The following METTL3 variants were observed in gnomAD, a reference collection of about 807,000 sequenced individuals.
METTL3 encodes methyltransferase 3, N6-adenosine-methyltransferase complex catalytic subunit, also known as N(6)-adenosine-methyltransferase catalytic subunit METTL3.
A neutral mutation model predicts 64.3 loss-of-function variants in METTL3; 42 were observed. That is an observed-to-expected ratio of 0.65 (90% CI 0.51 to 0.84). METTL3 has a LOEUF of 0.84. Ranked by LOEUF, METTL3 falls within the 40% of genes least tolerant of loss-of-function variation. METTL3 has a pLI of 0.00. For synonymous variants in METTL3, 256 were observed against 263.6 expected, an observed-to-expected ratio of 0.97 and a Z score of 0.28; for missense variants, 435 against 722.3, an observed-to-expected ratio of 0.60 and a Z score of 4.56.
chr14:21,498,573 G>C (rs753044290), intron 10 of METTL3: 2 of 594,080 alleles, frequency 3.4e-6, no homozygotes, highest in East Asian at 2.8e-5. Context: ...GACTGGATCT[G>C]TATTATCTGA....
chr14:21,506,273 C>T (rs1263796), intron 1 of METTL3, among the ~76,000 whole-genome samples: 73,777 of 151,664 alleles, frequency 0.49, 18,153 homozygotes, highest in East Asian at 0.64. Flanking sequence ...GGGGTCTCGG[C>T]CGGGCGTGGT....
chr14:21,498,283 A>G lies in METTL3; in HGVS notation c.1718T>C (p.Ile573Thr). ...CTATAAATTCTTAGGTTTAGAGATGATACCATCTGGGTACCTTTGCTTGAA... is the reference window on the plus strand; with the variant it reads ...CTATAAATTCTTAGGTTTAGAGATGGTACCATCTGGGTACCTTTGCTTGAA... ...ARFKQRYPDGIISKPKNL is the reference protein window; with the variant it reads ...ARFKQRYPDGTISKPKNL The change falls in exon 11 of 11, where the codon ATC (isoleucine) becomes ACC (threonine). Residue 573 changes from isoleucine (I) to threonine (T), a missense_variant. By Grantham distance (89) the Ile-to-Thr change is moderately conservative. This residue lies in a region of METTL3 where 20 missense variants were observed against 26.2 expected (regional missense o/e 0.76). Transcript: ENST00000298717. 2 of 1,609,084 alleles carry G rather than the reference A, an allele frequency of 1.2e-6. No individual in the cohort carries two copies. The highest frequency in any genetic ancestry group is 1.7e-6 in the Non-Finnish European group (2 of 1,175,364).
At position 21,498,207 on chromosome 14, in the gene METTL3, T is replaced by G. The variant is rs1317023801; in HGVS notation, c.*51A>C. The G allele has an allele frequency of 9.6e-7, 1 of 1,041,548 alleles. No individual in the cohort carries two copies. Among genetic ancestry groups the G allele is most frequent in the Non-Finnish European group, 1.5e-6 (1 of 661,576 alleles). The allele number at this position is 1,041,548 out of a possible 1,614,324, so 64.5% of individuals were successfully genotyped here. A position where few individuals can be genotyped will look rare whatever the true frequency, so the allele number is the denominator to read the frequency against. On this transcript the variant is annotated 3_prime_UTR_variant, in exon 11 of 11. Transcript: ENST00000298717. Reference sequence around the variant, plus strand: ...ATTGTACAAATATCACTCTTCAGGTTTAGCTTACAGAGCCATGGCTATGGA... The same window carrying G: ...ATTGTACAAATATCACTCTTCAGGTGTAGCTTACAGAGCCATGGCTATGGA...
intron 3 of METTL3, 130 bp downstream of exon 3, chr14:21,503,043 T>C (rs139331788): frequency 1.9e-5 from 19 of 992,200 alleles, no homozygotes; most frequent in Middle Eastern, 2.2e-4. Flanking sequence ...CCCCTGGGAG[T>C]TGGGCAGTAG....
chr14:21,511,014 C>A (rs1891822022), intron 1 of METTL3, 110 bp downstream of exon 1: 4 of 1,293,942 alleles, frequency 3.1e-6, no homozygotes, highest in Non-Finnish European at 4.2e-6. Context: ...ATGTACGAGG[C>A]TTTATAGAAA....
intron 1 of METTL3, among the ~76,000 whole-genome samples, chr14:21,508,950 A>C (rs1263799): frequency 0.47 from 71,990 of 152,094 alleles, 17,379 homozygotes; most frequent in East Asian, 0.59. Flanking sequence ...ACAACAAACA[A>C]CACCACAGAT....
chr14:21,499,955 C>A (rs1005455643), intron 6 of METTL3, among the ~76,000 whole-genome samples, 153 bp from the exon 7 acceptor site: 1 of 152,044 alleles, frequency 6.6e-6, no homozygotes, highest in Non-Finnish European at 1.5e-5. Context: ...GATCTAAGAA[C>A]GAAAAGATAA....
intron 10 of METTL3, chr14:21,498,816 G>A: frequency 1.8e-6 from 1 of 553,504 alleles, no homozygotes; most frequent in Non-Finnish European, 3.2e-6. Flanking sequence ...ACCCTAGGGA[G>A]CAGTGCTTTT....
intron 5 of METTL3, 47 bp downstream of exon 5, chr14:21,500,866 A>ATCC (rs778861902): frequency 1.3e-5 from 21 of 1,570,956 alleles, no homozygotes; most frequent in Non-Finnish European, 1.7e-5. Context: ...CTGCCCTATC[A>ATCC]AACATAAGTC....
At chr14:21,509,044 A>T (rs1024827805) in intron 1 of METTL3, among the ~76,000 whole-genome samples, 3 of 152,154 alleles carry the variant, frequency 2.0e-5, no homozygotes, top group African/African-American at 7.2e-5. Flanking sequence ...GGCTTTTTAA[A>T]AGTTAATTTT....
At chr14:21,501,537 T>C in intron 4 of METTL3, 191 bp downstream of exon 4, 1 of 705,162 alleles carries the variant, frequency 1.4e-6, no homozygotes, top group Non-Finnish European at 2.3e-6. Context: ...AAATCTCAGT[T>C]ATTTGGGAGT....
chr14:21,503,802 G>A lies in METTL3; in HGVS notation c.180C>T (p.Gly60=), dbSNP rs750753600. The change falls in exon 2 of 11, where the codon GGC becomes GGT. Residue 60 remains glycine, a synonymous_variant. Coordinates refer to ENST00000298717, the MANE Select transcript of METTL3 (RefSeq NM_019852.5). The part of the protein sequence containing the change: ...SPVPTAPTSG[G]PKPSTASAVP... ...CTGCTGAAGCTGTGCTGGGCTTAGG[G>A]CCACCAGAGGTGGGTGCAGTAGGCA... 1.2e-6 allele frequency: 2 copies of A among 1,614,234 alleles called. No individual in the cohort carries two copies. The highest frequency in any genetic ancestry group is 1.1e-5 in the South Asian group (1 of 91,088).
At chr14:21,510,339 AGAGATGCAGTTGAAGATACT>A (rs568400928) in intron 1 of METTL3, among the ~76,000 whole-genome samples, 131 of 152,348 alleles carry the variant, frequency 8.6e-4, no homozygotes, top group African/African-American at 2.9e-3. Flanking sequence ...GACAAGATTT[AGAGATGCAGTTGAAGATACT>A]GACAAATATT....
intron 1 of METTL3, chr14:21,507,722 T>G (rs1891733211): frequency 6.6e-6 from 1 of 152,160 alleles, no homozygotes; most frequent in Non-Finnish European, 1.5e-5. Flanking sequence ...TTGAGTTATA[T>G]CTTACATGAC....
Position 21,510,872 on chromosome 14 carries a change from C to T in METTL3, c.100+252G>A, listed in dbSNP as rs891350167. The T allele has an allele frequency of 4.2e-4, 203 of 477,988 alleles. 2 individuals carry two copies. The East Asian group carries it at 7.5e-3, about 18-fold the overall frequency. 29.6% of individuals were successfully genotyped at this position (477,988 alleles called of 1,614,324 possible). A position where few individuals can be genotyped will look rare whatever the true frequency, so the allele number is the denominator to read the frequency against. On this transcript the variant is annotated intron_variant, in intron 1 of 10. Transcript: ENST00000298717. Reference sequence around the variant, plus strand: ...GCAGTCTGAAGAGGAGTGGGCAAGGCGGACGAGGGTGGGGCTCAAGCGTCC... The same window carrying T: ...GCAGTCTGAAGAGGAGTGGGCAAGGTGGACGAGGGTGGGGCTCAAGCGTCC...
In METTL3 at chr14:21,499,745, C is replaced by T. The variant is rs751487558; in HGVS notation, c.1343+19G>A. ...TAACAGTATTACCCTCAAAAGAAAG[C>T]AACACAACCACTACTTACCCCCAGA... On this transcript the variant is annotated intron_variant, in intron 7 of 10. Coordinates refer to ENST00000298717, the MANE Select transcript of METTL3 (RefSeq NM_019852.5). 1.2e-6 allele frequency: 2 copies of T among 1,611,112 alleles called. No individual in the cohort carries two copies. Among genetic ancestry groups the T allele is most frequent in the Non-Finnish European group, 1.7e-6 (2 of 1,177,412 alleles).
intron 3 of METTL3, chr14:21,502,609 G>A (rs973188853): frequency 2.6e-5 from 4 of 154,552 alleles, no homozygotes; most frequent in Non-Finnish European, 4.3e-5. Context: ...TTATCTTCAT[G>A]TTACAGATGA....
chr14:21,500,995 T>C lies in METTL3; in HGVS notation c.1034A>G (p.Lys345Arg). Residue 345 changes from lysine (K) to arginine (R), a missense_variant, in exon 5 of 11, where the codon AAA becomes AGA. Around this residue, in one of 9 missense-constraint regions of METTL3, gnomAD observed 67 missense variants for 71.5 expected, o/e 0.94. Coordinates refer to ENST00000298717, the MANE Select transcript of METTL3 (RefSeq NM_019852.5). ...ACMDSEAPGS[K>R]DHTPSQELAL... ...AAGCTCCTGGCTTGGCGTGTGGTCT[T>C]TGCTGCCAGGGGCCTCAGAATCCAT... 2.5e-6 allele frequency: 4 copies of C among 1,614,148 alleles called. No homozygotes were observed. Among genetic ancestry groups the C allele is most frequent in the Non-Finnish European group, 2.5e-6 (3 of 1,180,024 alleles).
At chr14:21,503,973 A>G in intron 1 of METTL3, 92 bp from the exon 2 acceptor site, 3 of 1,176,136 alleles carry the variant, frequency 2.6e-6, no homozygotes, top group Non-Finnish European at 2.4e-6. Context: ...TCCCATACAC[A>G]GATCTTTCAT....
Sources: allele counts gnomAD v4.1 joint callset (sites outside exome capture counted in the v4.1 genomes callset), GRCh38; gene constraint gnomAD v4.1.1; regional missense constraint gnomAD v4.1.1; transcripts MANE v1.5; gene names NCBI Gene and HGNC (gene_info 2026-07-23, HGNC 2026-07-21).